KIF7: variants seen among roughly 807,000 people sequenced by gnomAD.
KIF7 encodes the protein kinesin-like protein KIF7.
A neutral mutation model predicts 135.7 loss-of-function variants in KIF7; 104 were observed. The observed-to-expected ratio is 0.77, with a 90% CI of 0.65 to 0.90. KIF7 has a LOEUF of 0.90. KIF7 is among the 40% of genes least tolerant of loss of function. The pLI is 0.00. For missense variants in KIF7, 2,005 were observed against 1,839.1 expected, an observed-to-expected ratio of 1.09 and a Z score of -1.65; for synonymous variants, 883 against 809.4, an observed-to-expected ratio of 1.09 and a Z score of -1.54.
Position 89,629,501 on chromosome 15 carries a change from G to T in KIF7, c.3391C>A (p.Gln1131Lys), listed in dbSNP as rs1303482997. The T allele has an allele frequency of 2.8e-5, 45 of 1,611,250 alleles. No homozygotes were observed. Among genetic ancestry groups the T allele is most frequent in the Non-Finnish European group, 3.5e-5 (41 of 1,180,010 alleles). Residue 1131 changes from glutamine to lysine, a missense_variant, in exon 17 of 19, where the codon CAG becomes AAG. Coordinates refer to ENST00000394412, the MANE Select transcript of KIF7 (RefSeq NM_198525.3). ...TCCAGCCAGTACACCAGCCTCTGCT[G>T]CTCCTCCAGCTGCATCTCCAGTTCC... ...FSELEMQLEEQQRLVYWLEVA... is the reference protein window; with the variant it reads ...FSELEMQLEEKQRLVYWLEVA...
chr15:89,647,605 G>A lies in KIF7; in HGVS notation c.1551C>T (p.Tyr517=). 1 of 1,611,590 alleles carries A rather than the reference G, an allele frequency of 6.2e-7. No individual in the cohort carries two copies. Among genetic ancestry groups the A allele is most frequent in the East Asian group, 2.2e-5 (1 of 44,874 alleles). Residue 517 remains tyrosine (Y), a synonymous_variant, in exon 6 of 19, where the codon TAC becomes TAT. Transcript: ENST00000394412. ...LAALEDAMEQ[Y]KLQSDRLREQ... is the part of the protein sequence containing the mutation. ...GAAGCGGGCGCCGCACCTGCAGTTT[G>A]TACTGCTCCATGGCGTCCTCCAGCG...
chr15:89,651,611 A>C (rs918128852), intron 2 of KIF7, among the ~76,000 whole-genome samples: 1 of 152,256 alleles, frequency 6.6e-6, no homozygotes, highest in Non-Finnish European at 1.5e-5. Flanking sequence ...AAAGTAAAAT[A>C]ATCTTCCCAG....
In KIF7 at chr15:89,628,632, T is replaced by A. The variant is rs1185925641; in HGVS notation, c.3819A>T (p.Leu1273Phe). 1 of 1,613,030 alleles carries A rather than the reference T, an allele frequency of 6.2e-7. No individual in the cohort carries two copies. ...GGCTCGAGCGTTTCCAGGTCAAGGG[T>A]AACGGAGCGTGGACCAAGTCCCGCG... ...EETRDLVHAP[L>F]PLTWKRSSLC... The change falls in exon 19 of 19, where the codon TTA becomes TTT. Residue 1273 changes from leucine (L) to phenylalanine (F), a missense_variant. Physicochemically the swap from Leu to Phe is conservative, Grantham distance 22 (BLOSUM62 0). Coordinates refer to ENST00000394412, the MANE Select transcript of KIF7 (RefSeq NM_198525.3).
intron 11 of KIF7, among the ~76,000 whole-genome samples, chr15:89,637,486 A>C (rs1299105781): frequency 3.3e-5 from 5 of 152,198 alleles, no homozygotes; most frequent in Admixed American, 6.5e-5. Context: ...GATAAAGGGG[A>C]TATCACCACC....
intron 10 of KIF7, among the ~76,000 whole-genome samples, chr15:89,642,794 C>T (rs1963947248): frequency 6.6e-6 from 1 of 152,162 alleles, no homozygotes; most frequent in African/African-American, 2.4e-5. Flanking sequence ...GTCTCGAACT[C>T]CTGACCTCTG....
At chr15:89,658,962 C>A (rs1246455137), upstream of KIF7, among the ~76,000 whole-genome samples, 6 of 152,070 alleles carry the variant, frequency 3.9e-5, no homozygotes, top group East Asian at 1.2e-3. Flanking sequence ...CATCATCATA[C>A]CTTCATGGTA....
chr15:89,638,990 G>A (rs1224046892), intron 11 of KIF7, among the ~76,000 whole-genome samples: 156 of 151,926 alleles, frequency 1.0e-3, no homozygotes, highest in African/African-American at 2.9e-3. Flanking sequence ...AAATAACGCC[G>A]CATATCTACA....
At position 89,647,496 on chromosome 15, in the gene KIF7, T is replaced by C; in HGVS notation, c.1560+100A>G. The C allele has an allele frequency of 5.8e-6, 6 of 1,042,976 alleles. No homozygotes were observed. The East Asian group carries it at 1.4e-4, about 25-fold the overall frequency. The allele number at this position is 1,042,976 out of a possible 1,614,324, so 64.6% of individuals were successfully genotyped here. ...CTGACTCTACACCCCTACCCCGCAG[T>C]ACCCTACCCTAACTCCCTCCCATCC... On this transcript the variant is annotated intron_variant, in intron 6 of 18. Transcript: ENST00000394412.
At chr15:89,630,562 C>G in intron 15 of KIF7, 69 bp from the exon 16 acceptor site, 3 of 1,292,022 alleles carry the variant, frequency 2.3e-6, no homozygotes, top group East Asian at 5.0e-5. Context: ...GGCAGACATG[C>G]AACAGCCAAC....
In KIF7 at chr15:89,633,683, G is replaced by C; in HGVS notation, c.2592+3C>G. The C allele has an allele frequency of 1.2e-6, 2 of 1,606,476 alleles. No homozygotes were observed. Among genetic ancestry groups the C allele is most frequent in the South Asian group, 1.1e-5 (1 of 90,864 alleles). On this transcript the variant is annotated splice_donor_region_variant and intron_variant, in intron 12 of 18. Coordinates refer to ENST00000394412, the MANE Select transcript of KIF7 (RefSeq NM_198525.3). ...AAGGTCCCCACCCTGCCGTGAGCCT[G>C]ACCTTGACGCGGTGCTGCCGCTTGC...
rs1396391891 is a variant in KIF7 at position 89,630,467 on chromosome 15, A to G, written c.3138T>C (p.Asp1046=). Reference sequence around the variant, plus strand: ...CAGCATCCAGGGCCTCGATGGCCTCATCCAACTGGAACAGCGTCCGCTCCT... The same window carrying G: ...CAGCATCCAGGGCCTCGATGGCCTCGTCCAACTGGAACAGCGTCCGCTCCT... ...PEEERTLFQL[D]EAIEALDAAI... is the part of the protein sequence containing the mutation. The change falls in exon 16 of 19, where the codon GAT becomes GAC. Residue 1046 remains aspartate, a synonymous_variant. Coordinates refer to ENST00000394412, the MANE Select transcript of KIF7 (RefSeq NM_198525.3). The G allele has an allele frequency of 6.4e-7, 1 of 1,562,202 alleles. No individual in the cohort carries two copies. The highest frequency in any genetic ancestry group is 8.7e-7 in the Non-Finnish European group (1 of 1,153,288).
At chr15:89,629,927 A>T in intron 16 of KIF7, 1 of 515,184 alleles carries the variant, frequency 1.9e-6, no homozygotes, top group East Asian at 3.5e-5. Flanking sequence ...CCTGTGTGTT[A>T]TAGGATGTTT....
intron 14 of KIF7, among the ~76,000 whole-genome samples, chr15:89,632,213 C>T (rs980509451): frequency 6.6e-5 from 10 of 152,196 alleles, no homozygotes; most frequent in African/African-American, 1.2e-4. Flanking sequence ...GGACACTGGG[C>T]GTGTGGCCCA....
chr15:89,655,957 CAA>C (rs1451580345), upstream of KIF7, among the ~76,000 whole-genome samples: 2 of 152,170 alleles, frequency 1.3e-5, no homozygotes, highest in Admixed American at 6.5e-5. Flanking sequence ...ACGGCAGCCT[CAA>C]AGAGATGGTT....
chr15:89,623,586 A>T, downstream of KIF7: 1 of 1,559,016 alleles, frequency 6.4e-7, no homozygotes, highest in Non-Finnish European at 8.7e-7. Context: ...CATGAGTTAT[A>T]ATATTCAAGG....
downstream of KIF7, chr15:89,625,982 C>G (rs1396977054): frequency 6.2e-7 from 1 of 1,606,026 alleles, no homozygotes; most frequent in South Asian, 1.1e-5. Context: ...GCCTCTCTGC[C>G]AGTGCCCTCC....
At position 89,645,942 on chromosome 15, in the gene KIF7, C is replaced by A; in HGVS notation, c.1873G>T (p.Glu625Ter). 6.2e-7 allele frequency: 1 copy of A among 1,613,896 alleles called. No homozygotes were observed. ...GGCGGCTCCTCCTCCTCCTCTTCCTCCTCTGAAGCAGCTGAAGAGCCACTT... is the reference window on the plus strand; with the variant it reads ...GGCGGCTCCTCCTCCTCCTCTTCCTACTCTGAAGCAGCTGAAGAGCCACTT... ...LGSGSSAASE[E>*]EEEEEEPPRR... is the part of the protein sequence containing the mutation. The change falls in exon 8 of 19, where the codon GAG (glutamate) becomes TAG (stop). Residue 625 changes from glutamate (E) to a stop codon, truncating the protein, a stop_gained. Coordinates refer to ENST00000394412, the MANE Select transcript of KIF7 (RefSeq NM_198525.3). LOFTEE classifies it high-confidence loss of function.
At position 89,647,017 on chromosome 15, in the gene KIF7, A is replaced by T. The variant is rs777615277; in HGVS notation, c.1601T>A (p.Leu534Gln). The T allele has an allele frequency of 1.2e-5, 19 of 1,610,926 alleles. No individual in the cohort carries two copies. The highest frequency in any genetic ancestry group is 1.6e-5 in the Non-Finnish European group (19 of 1,179,006). ...LREQQEEMVE[L>Q]RLRLELVRPG... ...CCGCACCAGCTCTAACCGCAGCCGC[A>T]GTTCCACCATCTCCTCCTGCTGCTC... The change falls in exon 7 of 19, where the codon CTG becomes CAG. Residue 534 changes from leucine to glutamine, a missense_variant. Coordinates refer to ENST00000394412, the MANE Select transcript of KIF7 (RefSeq NM_198525.3).
chr15:89,645,090 T>C lies in KIF7; in HGVS notation c.2114A>G (p.Gln705Arg), dbSNP rs764121885. 3 of 1,601,072 alleles carry C rather than the reference T, an allele frequency of 1.9e-6. No homozygotes were observed. The highest frequency in any genetic ancestry group is 2.5e-6 in the Non-Finnish European group (3 of 1,179,628). ...PATASEWRLA[Q>R]AQQKIRELAI... ...CAGCTCCCGGATCTTCTGCTGGGCC[T>C]GGGCCAGCCGCCACTCTGAGGCTGT... Residue 705 changes from glutamine (Q) to arginine (R), a missense_variant, in exon 10 of 19, where the codon CAG becomes CGG. Physicochemically the swap from Gln to Arg is conservative, Grantham distance 43. Coordinates refer to ENST00000394412, the MANE Select transcript of KIF7 (RefSeq NM_198525.3).
Sources: gnomAD v4.1 joint callset for allele counts (sites outside exome capture counted in the v4.1 genomes callset) on GRCh38, gnomAD v4.1.1 for gene constraint, MANE v1.5 for transcripts, NCBI Gene and HGNC (gene_info 2026-07-23, HGNC 2026-07-21) for gene names.